Variants in LAPTM4B observed in about 807,000 individuals in gnomAD.
LAPTM4B encodes lysosomal-associated transmembrane protein 4B.
In LAPTM4B, 26 loss-of-function variants were observed where a neutral mutation model predicts 28.5. The ratio of observed to expected loss-of-function variants is 0.91; its 90% CI spans 0.67 to 1.27. The LOEUF (loss-of-function observed/expected upper bound fraction) is 1.27, where lower values mean the gene tolerates loss of function less well. Ranked by LOEUF, LAPTM4B falls within the 50% of genes most tolerant of loss-of-function variation. The pLI is 0.00. For synonymous variants in LAPTM4B, 109 were observed against 106.4 expected (o/e 1.02, Z -0.15); for missense variants, 288 against 285.8 (o/e 1.01, Z -0.06).
At chr8:97,804,535 G>A (rs1471754924) in intron 1 of LAPTM4B, among the ~76,000 whole-genome samples, 2 of 152,154 alleles carry the variant, frequency 1.3e-5, no homozygotes, top group Non-Finnish European at 2.9e-5. Flanking sequence ...TTTAACCTCT[G>A]AGCCTCAGTT....
intron 1 of LAPTM4B, among the ~76,000 whole-genome samples, chr8:97,796,469 A>G (rs930657823): frequency 3.3e-5 from 5 of 152,144 alleles, no homozygotes; most frequent in Non-Finnish European, 7.3e-5. Flanking sequence ...TTTGATTTGA[A>G]TGCCTGGACA....
intron 6 of LAPTM4B, among the ~76,000 whole-genome samples, chr8:97,844,119 G>C (rs1384734143): frequency 6.6e-6 from 1 of 151,708 alleles, no homozygotes; most frequent in East Asian, 1.9e-4. Context: ...TGGGGAGAGG[G>C]GGGTCTCTGT....
intron 6 of LAPTM4B, among the ~76,000 whole-genome samples, chr8:97,826,810 G>A (rs1405466638): frequency 6.6e-6 from 1 of 152,138 alleles, no homozygotes; most frequent in African/African-American, 2.4e-5. Flanking sequence ...TGCCCGGCCT[G>A]TTTTACCCAT....
chr8:97,801,839 ATC>A (rs1816687771), intron 1 of LAPTM4B, among the ~76,000 whole-genome samples: 1 of 116,010 alleles, frequency 8.6e-6, no homozygotes. Context: ...GCGAAACTCC[ATC>A]TCAAAAAAAA....
intron 6 of LAPTM4B, 73 bp downstream of exon 6, chr8:97,825,226 G>C (rs113904412): frequency 7.7e-6 from 6 of 777,362 alleles, no homozygotes. Flanking sequence ...AGTGTTTCTA[G>C]TGTTTGCTAC....
intron 1 of LAPTM4B, among the ~76,000 whole-genome samples, chr8:97,781,373 G>A (rs1202415081): frequency 7.1e-6 from 1 of 140,322 alleles, no homozygotes; most frequent in African/African-American, 2.7e-5. Flanking sequence ...TTCGCCTCCT[G>A]GGTTCAAGTG....
intron 1 of LAPTM4B, among the ~76,000 whole-genome samples, chr8:97,789,480 C>T (rs1816464442): frequency 6.6e-6 from 1 of 151,866 alleles, no homozygotes; most frequent in Admixed American, 6.6e-5. Flanking sequence ...CCCTCCTCAG[C>T]CTCTGAAGTA....
At chr8:97,843,352 G>C (rs1817380764) in intron 6 of LAPTM4B, among the ~76,000 whole-genome samples, 2 of 152,024 alleles carry the variant, frequency 1.3e-5, no homozygotes, top group Non-Finnish European at 2.9e-5. Flanking sequence ...ACTTGATCCT[G>C]GGGGGCAGAG....
At chr8:97,808,138 A>G (rs1166730145) in intron 2 of LAPTM4B, among the ~76,000 whole-genome samples, 1 of 151,880 alleles carries the variant, frequency 6.6e-6, no homozygotes, top group African/African-American at 2.4e-5. Context: ...ATAATTTTCA[A>G]GCACAATTTG....
chr8:97,843,779 TCAAATAAA>T (rs1192596129), intron 6 of LAPTM4B, among the ~76,000 whole-genome samples: 1 of 115,222 alleles, frequency 8.7e-6, no homozygotes, highest in East Asian at 3.0e-4. Flanking sequence ...AAACTCCATC[TCAAATAAA>T]TAAATAAATA....
intron 6 of LAPTM4B, among the ~76,000 whole-genome samples, chr8:97,848,622 C>T (rs765112294): frequency 1.3e-5 from 2 of 152,144 alleles, no homozygotes; most frequent in African/African-American, 4.8e-5. Flanking sequence ...GAGTTCTACA[C>T]CAGCCTGGGC....
chr8:97,839,677 A>G (rs1817316201), intron 6 of LAPTM4B, among the ~76,000 whole-genome samples: 1 of 152,206 alleles, frequency 6.6e-6, no homozygotes, highest in African/African-American at 2.4e-5. Context: ...AGTCAGATCA[A>G]CACATGGATG....
intron 1 of LAPTM4B, among the ~76,000 whole-genome samples, chr8:97,786,606 G>A (rs1296999471): frequency 6.6e-6 from 1 of 151,788 alleles, no homozygotes. Flanking sequence ...GGCTGAGCCC[G>A]GAGAATCACG....
chr8:97,784,333 A>T (rs115344531), intron 1 of LAPTM4B, among the ~76,000 whole-genome samples: 1 of 152,224 alleles, frequency 6.6e-6, no homozygotes, highest in African/African-American at 2.4e-5. Flanking sequence ...AAAAGACTAA[A>T]TAGTAGGCTA....
chr8:97,834,307 TAAAA>T (rs781521550), intron 6 of LAPTM4B, among the ~76,000 whole-genome samples: 1 of 151,900 alleles, frequency 6.6e-6, no homozygotes. Context: ...CTTTAAAAAA[TAAAA>T]AAGGGAGCGC....
At chr8:97,821,989 A>C (rs1817011108) in intron 5 of LAPTM4B, among the ~76,000 whole-genome samples, 1 of 152,238 alleles carries the variant, frequency 6.6e-6, no homozygotes, top group Non-Finnish European at 1.5e-5. Context: ...ATCATAAAAC[A>C]CCATGATTTC....
intron 6 of LAPTM4B, 29 bp downstream of exon 6, chr8:97,825,182 T>G: frequency 8.6e-7 from 1 of 1,168,380 alleles, no homozygotes; most frequent in Non-Finnish European, 1.3e-6. Context: ...ATGGTAGAGA[T>G]CTCGCCCACA....
At chr8:97,792,648 C>T (rs1416438348) in intron 1 of LAPTM4B, among the ~76,000 whole-genome samples, 2 of 152,118 alleles carry the variant, frequency 1.3e-5, no homozygotes, top group South Asian at 2.1e-4. Flanking sequence ...GGCACGATCT[C>T]GGCTCACTGC....
chr8:97,808,966 G>GA (rs749984046), intron 2 of LAPTM4B, among the ~76,000 whole-genome samples: 113 of 146,548 alleles, frequency 7.7e-4, no homozygotes, highest in African/African-American at 1.7e-3. Context: ...ATCTCAGAAA[G>GA]AAAAAGAAAA....
Sources: allele counts gnomAD v4.1 joint callset (sites outside exome capture counted in the v4.1 genomes callset), GRCh38; gene constraint gnomAD v4.1.1; transcripts MANE v1.5; gene names NCBI Gene and HGNC (gene_info 2026-07-23, HGNC 2026-07-21).